The following MYCBP2 variants were observed in gnomAD, a reference collection of about 807,000 sequenced individuals.
MYCBP2 encodes the protein MYC binding protein 2.
A neutral mutation model predicts 525.3 loss-of-function variants in MYCBP2; 120 were observed. That is an observed-to-expected ratio of 0.23 (90% CI 0.20 to 0.27). The LOEUF is 0.27. Ranked by LOEUF, MYCBP2 falls within the 10% of genes least tolerant of loss-of-function variation. MYCBP2 has a pLI of 1.00. For synonymous variants in MYCBP2, 1,894 were observed against 1,955.8 expected, an observed-to-expected ratio of 0.97 and a Z score of 0.83; for missense variants, 4,149 against 5,657.1, an observed-to-expected ratio of 0.73 and a Z score of 8.55.
chr13:77,061,356 G>C (rs2039263954), intron 75 of MYCBP2, 55 bp from the exon 76 acceptor site: 1 of 1,423,768 alleles, frequency 7.0e-7, no homozygotes, highest in African/African-American at 1.5e-5. Flanking sequence ...CTCTGAAAGG[G>C]AGAGTATAAA....
At chr13:77,071,279 A>G (rs1447726753) in intron 68 of MYCBP2, among the ~76,000 whole-genome samples, 9 of 151,416 alleles carry the variant, frequency 5.9e-5, no homozygotes, top group African/African-American at 2.2e-4. Context: ...ACGCACACAC[A>G]CACACACACA....
rs2038702838 is a variant in MYCBP2, at chr13:77,058,859, C to A, written c.13141-453G>T. On this transcript the variant is annotated intron_variant, in intron 77 of 82. Coordinates refer to ENST00000544440, the MANE Select transcript of MYCBP2 (RefSeq NM_015057.5). This position sits in a 1 kb window ranked among gnomAD's most constrained non-coding sequence, Gnocchi z 4.1. ...AATTAACCAGGCATGGTGGCGCGCGCCTGTAATCCCAGCTACTTAGGAAGC... is the reference window on the plus strand; with the variant it reads ...AATTAACCAGGCATGGTGGCGCGCGACTGTAATCCCAGCTACTTAGGAAGC... 6.6e-6 allele frequency among the ~76,000 whole-genome samples: 1 copy of A among 152,046 alleles called. No homozygotes were observed. The highest frequency in any genetic ancestry group is 2.4e-5 in the African/African-American group (1 of 41,384).
At chr13:77,320,921 A>G (rs2081524741) in intron 1 of MYCBP2, among the ~76,000 whole-genome samples, 1 of 152,224 alleles carries the variant, frequency 6.6e-6, no homozygotes, top group Admixed American at 6.5e-5. Context: ...TAGAAAAGGT[A>G]AAATATTAGT....
At position 77,185,136 on chromosome 13, in the gene MYCBP2, A is replaced by G. The variant is rs769823834; in HGVS notation, c.4686T>C (p.Ala1562=). The G allele has an allele frequency of 1.2e-4, 195 of 1,614,036 alleles. No homozygotes were observed. The East Asian group carries it at 4.3e-3, about 35-fold the overall frequency. ...SFYPTPALQW[A]CLCDLLNCLD... ...AACAATTCAGCAGATCACAAAGGCA[A>G]GCCCACTGTAAGGCAGGAGTTGGGT... The change falls in exon 32 of 83, where the codon GCT becomes GCC. Residue 1562 remains alanine (A), a synonymous_variant. Transcript: ENST00000544440.
At chr13:77,087,994 C>T (rs78015623) in intron 61 of MYCBP2, among the ~76,000 whole-genome samples, 13,515 of 151,882 alleles carry the variant, frequency 0.089, 779 homozygotes, top group Non-Finnish European at 0.13. Flanking sequence ...ATGTTGCCCA[C>T]GCTGGTCTCA....
chr13:77,214,966 A>T (rs2064606077), intron 21 of MYCBP2, among the ~76,000 whole-genome samples: 1 of 152,160 alleles, frequency 6.6e-6, no homozygotes. Flanking sequence ...TATATATATA[A>T]AATAGTGTGT....
intron 1 of MYCBP2, among the ~76,000 whole-genome samples, chr13:77,312,563 C>T (rs1037496033): frequency 6.6e-6 from 1 of 151,486 alleles, no homozygotes; most frequent in East Asian, 1.9e-4. Context: ...TACTGTAATC[C>T]CTAGGGCATA....
intron 40 of MYCBP2, among the ~76,000 whole-genome samples, chr13:77,167,021 ACACAC>A (rs1566781412): frequency 9.4e-6 from 1 of 106,944 alleles, no homozygotes; most frequent in African/African-American, 3.8e-5. Flanking sequence ...ACACACACAC[ACACAC>A]CAAATGAAAT....
At chr13:77,068,466 T>A in intron 70 of MYCBP2, 99 bp downstream of exon 70, 3 of 1,373,100 alleles carry the variant, frequency 2.2e-6, no homozygotes, top group Non-Finnish European at 2.9e-6. Context: ...GAAATAAAAA[T>A]CTATACTTAG....
intron 20 of MYCBP2, among the ~76,000 whole-genome samples, chr13:77,223,186 T>C (rs1013197311): frequency 1.3e-5 from 2 of 152,186 alleles, no homozygotes; most frequent in Non-Finnish European, 2.9e-5. Flanking sequence ...ACGAGGACAT[T>C]CGTCCCCTGG....
chr13:77,304,811 A>C (rs1269864132), intron 1 of MYCBP2, among the ~76,000 whole-genome samples: 1 of 152,040 alleles, frequency 6.6e-6, no homozygotes, highest in Non-Finnish European at 1.5e-5. Flanking sequence ...TAGAGCAAAA[A>C]TGGTCAGGAA....
At chr13:77,201,836 T>C (rs1207705755) in intron 26 of MYCBP2, among the ~76,000 whole-genome samples, 1 of 152,168 alleles carries the variant, frequency 6.6e-6, no homozygotes, top group African/African-American at 2.4e-5. Context: ...AGATGTTCTT[T>C]GAAACCAACG....
At chr13:77,096,195 A>G (rs887295132) in intron 57 of MYCBP2, 117 bp downstream of exon 57, 1 of 1,068,182 alleles carries the variant, frequency 9.4e-7, no homozygotes, top group Non-Finnish European at 1.3e-6. Context: ...CCATTATAAA[A>G]GCTGATCTTT....
At chr13:77,088,705 A>G (rs1201008683) in intron 61 of MYCBP2, 127 bp downstream of exon 61, 5 of 705,922 alleles carry the variant, frequency 7.1e-6, no homozygotes, top group Non-Finnish European at 1.1e-5. Flanking sequence ...AACACTTAAT[A>G]CTTTTAATTG....
intron 17 of MYCBP2, among the ~76,000 whole-genome samples, chr13:77,233,808 C>CA (rs1197908882): frequency 6.6e-6 from 1 of 150,504 alleles, no homozygotes; most frequent in African/African-American, 2.4e-5. Context: ...ACCAGATGAT[C>CA]AAAAACAAAA....
chr13:77,049,638 T>C (rs1484484483), intron 82 of MYCBP2, among the ~76,000 whole-genome samples: 1 of 152,172 alleles, frequency 6.6e-6, no homozygotes, highest in East Asian at 1.9e-4. Flanking sequence ...CATACTCTGT[T>C]CTGCAATTTG....
At chr13:77,243,681 C>G (rs1396065548) in intron 16 of MYCBP2, 125 bp downstream of exon 16, 2 of 740,348 alleles carry the variant, frequency 2.7e-6, no homozygotes, top group Non-Finnish European at 4.0e-6. Context: ...ACCGTAAAAG[C>G]AGTATTGCAT....
At position 77,233,213 on chromosome 13, in the gene MYCBP2, G is replaced by A; in HGVS notation, c.2680C>T (p.Leu894=). 6.2e-7 allele frequency: 1 copy of A among 1,613,894 alleles called. No homozygotes were observed. The highest frequency in any genetic ancestry group is 8.5e-7 in the Non-Finnish European group (1 of 1,179,844). The change falls in exon 18 of 83, where the codon CTA becomes TTA. Residue 894 remains leucine (L), a synonymous_variant. Transcript: ENST00000544440. ...GCTGGATGGGATCTGAGTCTGGCTA[G>A]AGCCTGTTCTCGATGGTTCATAAAA... is the stretch of plus-strand genomic sequence containing the variant. ...PIFMNHREQA[L]ARLRSHPAQL...
chr13:77,325,683 T>C (rs557839410), intron 1 of MYCBP2, among the ~76,000 whole-genome samples: 1 of 152,214 alleles, frequency 6.6e-6, no homozygotes, highest in South Asian at 2.1e-4. Flanking sequence ...TACAAAACCC[T>C]CTCTACTCTA....
Sources: allele counts gnomAD v4.1 joint callset (sites outside exome capture counted in the v4.1 genomes callset), GRCh38; gene constraint gnomAD v4.1.1; non-coding constraint Gnocchi (gnomAD v3.1); transcripts MANE v1.5; gene names NCBI Gene and HGNC (gene_info 2026-07-23, HGNC 2026-07-21).